The following OR7E24 variants were observed in gnomAD, a reference collection of about 807,000 sequenced individuals.
The protein encoded by OR7E24 is olfactory receptor family 7 subfamily E member 24.
For missense variants in OR7E24, 385 were observed against 410.3 expected, an observed-to-expected ratio of 0.94 and a Z score of 0.53; for synonymous variants, 130 against 157.5, an observed-to-expected ratio of 0.83 and a Z score of 1.31.
rs2066151364 is a variant in OR7E24 at position 9,251,998 on chromosome 19, C to T, written c.955C>T (p.Leu319=). Residue 319 remains leucine, a synonymous_variant, in exon 1 of 1, where the codon CTG becomes TTG. Transcript: ENST00000456448. ...GAGGAACAAGGACATTCAAAGTGCC[C>T]TGTGCAGGCTGCATGGCAGAATCAT... ...SLRNKDIQSA[L]CRLHGRIIKS... 6.2e-7 allele frequency: 1 copy of T among 1,614,174 alleles called. No homozygotes were observed. The highest frequency in any genetic ancestry group is 8.5e-7 in the Non-Finnish European group (1 of 1,180,034).
At chr19:9,248,673 G>C (rs140973383), upstream of OR7E24, among the ~76,000 whole-genome samples, 2 of 152,198 alleles carry the variant, frequency 1.3e-5, no homozygotes, top group Non-Finnish European at 2.9e-5. Context: ...CACTCAGGGC[G>C]CATCTCTCCC....
At chr19:9,225,844 A>G in the OR7E24 span, among the ~76,000 whole-genome samples, 57 of 152,210 alleles carry the variant, frequency 3.7e-4, no homozygotes, top group South Asian at 4.1e-4. Context: ...TGCAGCCTCA[A>G]TCCCCTTAGA....
chr19:9,231,670 T>C, the OR7E24 span, among the ~76,000 whole-genome samples: 2 of 152,180 alleles, frequency 1.3e-5, no homozygotes, highest in South Asian at 2.1e-4. Flanking sequence ...TTCTGAAATA[T>C]ATTATTTTGC....
the OR7E24 span, chr19:9,213,341 G>A: frequency 6.6e-6 from 1 of 152,246 alleles, no homozygotes; most frequent in South Asian, 2.1e-4. Flanking sequence ...AAACATCTAG[G>A]GAAGAAAAGT....
At chr19:9,242,376 A>G (rs978885898), upstream of OR7E24, among the ~76,000 whole-genome samples, 1 of 152,132 alleles carries the variant, frequency 6.6e-6, no homozygotes, top group African/African-American at 2.4e-5. Context: ...CCTCCCAAGT[A>G]GCTGGAATTA....
chr19:9,216,772 A>G, the OR7E24 span, among the ~76,000 whole-genome samples: 1 of 152,022 alleles, frequency 6.6e-6, no homozygotes, highest in Non-Finnish European at 1.5e-5. Flanking sequence ...TTCTATTTTT[A>G]GTAGAGATGG....
chr19:9,217,408 T>G, the OR7E24 span, among the ~76,000 whole-genome samples: 2 of 152,330 alleles, frequency 1.3e-5, no homozygotes, highest in East Asian at 3.9e-4. Context: ...TATTTATGCC[T>G]AGAGAATGTT....
the OR7E24 span, chr19:9,210,709 A>ACACACACACACAC: frequency 9.4e-6 from 1 of 106,452 alleles, no homozygotes; most frequent in African/African-American, 6.5e-5. Flanking sequence ...CACACACACA[A>ACACACACACACAC]CACACACAAC....
chr19:9,235,305 C>A, the OR7E24 span: 6 of 1,250,988 alleles, frequency 4.8e-6, no homozygotes, highest in Non-Finnish European at 7.1e-6. Flanking sequence ...CTGACTCCCA[C>A]CTCCACAGCC....
At chr19:9,231,287 A>G in the OR7E24 span, among the ~76,000 whole-genome samples, 2 of 151,988 alleles carry the variant, frequency 1.3e-5, no homozygotes, top group African/African-American at 4.8e-5. Context: ...TACTAGGTTA[A>G]ATTGTCCTTG....
rs1339051604 is a variant in OR7E24 at position 9,251,183 on chromosome 19, G to A, written c.140G>A (p.Gly47Glu). The A allele has an allele frequency of 1.2e-6, 2 of 1,613,938 alleles. No homozygotes were observed. The highest frequency in any genetic ancestry group is 1.7e-6 in the Non-Finnish European group (2 of 1,179,984). Residue 47 changes from glycine (G) to glutamate (E), a missense_variant, in exon 1 of 1, where the codon GGG becomes GAG. By Grantham distance (98) the Gly-to-Glu change is moderately conservative (BLOSUM62 -2). Coordinates refer to ENST00000456448, the MANE Select transcript of OR7E24 (RefSeq NM_001079935.2). ...CCAGAACTGCAGCCGGTCCTCGCTG[G>A]GCTGTTCCTGTCCATGTACCTGGTC... The part of the protein sequence containing the change: ...EDPELQPVLA[G>E]LFLSMYLVTV...
chr19:9,245,221 GAA>G (rs140870634), upstream of OR7E24, among the ~76,000 whole-genome samples: 366 of 143,460 alleles, frequency 2.6e-3, 4 homozygotes, highest in African/African-American at 8.5e-3. Flanking sequence ...TCTCAATAAA[GAA>G]AAAAAAAAAT....
At chr19:9,243,434 G>A (rs945849449), upstream of OR7E24, among the ~76,000 whole-genome samples, 3 of 150,700 alleles carry the variant, frequency 2.0e-5, no homozygotes, top group African/African-American at 7.4e-5. Context: ...CTGGGCTCAA[G>A]TGATCCTCCT....
the OR7E24 span, chr19:9,211,959 GA>G: frequency 2.0e-5 from 3 of 152,090 alleles, no homozygotes; most frequent in Non-Finnish European, 2.9e-5. Context: ...TCAGAGGACA[GA>G]AGAGGTTTTA....
At chr19:9,214,407 A>G in the OR7E24 span, 487 of 1,614,074 alleles carry the variant, frequency 3.0e-4, no homozygotes, top group Non-Finnish European at 3.6e-4. Context: ...TGCCAGAACC[A>G]GGAGGCCACA....
At chr19:9,236,495 G>A in the OR7E24 span, among the ~76,000 whole-genome samples, 4 of 151,974 alleles carry the variant, frequency 2.6e-5, no homozygotes, top group African/African-American at 4.8e-5. Context: ...GGGTGACAGA[G>A]CGAGACTCTG....
At chr19:9,217,161 G>T in the OR7E24 span, among the ~76,000 whole-genome samples, 1 of 152,116 alleles carries the variant, frequency 6.6e-6, no homozygotes, top group Non-Finnish European at 1.5e-5. Context: ...GAAAAGAAAG[G>T]GACACCGCCA....
chr19:9,220,273 ATC>A, the OR7E24 span, among the ~76,000 whole-genome samples: 1 of 152,084 alleles, frequency 6.6e-6, no homozygotes, highest in South Asian at 2.1e-4. Context: ...TGTACAATAG[ATC>A]TCTTGAACTT....
chr19:9,243,898 A>G (rs896485737), upstream of OR7E24, among the ~76,000 whole-genome samples: 1 of 152,170 alleles, frequency 6.6e-6, no homozygotes, highest in Non-Finnish European at 1.5e-5. Context: ...TTCTGCTGGC[A>G]TCCTTCTCAC....
Sources: allele counts gnomAD v4.1 joint callset (sites outside exome capture counted in the v4.1 genomes callset), GRCh38; gene constraint gnomAD v4.1.1; transcripts MANE v1.5; gene names NCBI Gene and HGNC (gene_info 2026-07-23, HGNC 2026-07-21).